Variants in SLC12A8 observed in about 807,000 individuals in gnomAD.
The protein encoded by SLC12A8 is cation-chloride cotransporter 9.
Under a neutral mutation model 75.6 loss-of-function variants are expected in SLC12A8, and 69 were observed. The observed-to-expected ratio is 0.91, with a 90% CI of 0.75 to 1.11. SLC12A8 has a LOEUF of 1.11. Ranked by LOEUF, SLC12A8 falls within the 50% of genes most tolerant of loss-of-function variation. The pLI, the probability that SLC12A8 is intolerant of heterozygous loss-of-function variation, is 0.00. For missense variants in SLC12A8, 877 were observed against 896.7 expected (o/e 0.98, Z 0.28); for synonymous variants, 365 against 372.8 (o/e 0.98, Z 0.24).
In SLC12A8 at chr3:125,083,991, C is replaced by G. The variant is rs373256263; in HGVS notation, c.2044G>C (p.Glu682Gln). 3.3e-5 allele frequency: 54 copies of G among 1,613,416 alleles called. No homozygotes were observed. Among genetic ancestry groups the G allele is most frequent in the Non-Finnish European group, 4.0e-5 (47 of 1,179,842 alleles). ...LAPSLAKVDM[E>Q]MTQLTQENAD... ...TTCTCCTGGGTGAGCTGAGTCATCTCCATGTCAACCTTAGCCAGGGACGGC... is the reference window on the plus strand; with the variant it reads ...TTCTCCTGGGTGAGCTGAGTCATCTGCATGTCAACCTTAGCCAGGGACGGC... The change falls in exon 14 of 14, where the codon GAG (glutamate) becomes CAG (glutamine). Residue 682 changes from glutamate to glutamine, a missense_variant. Glu to Gln is a conservative substitution (Grantham distance 29, BLOSUM62 2). Transcript: ENST00000469902.
At chr3:125,130,476 C>T (rs974440634) in intron 6 of SLC12A8, among the ~76,000 whole-genome samples, 2 of 152,026 alleles carry the variant, frequency 1.3e-5, no homozygotes, top group Non-Finnish European at 2.9e-5. Flanking sequence ...GTTGTAATCC[C>T]AGCTACTCAG....
intron 8 of SLC12A8, among the ~76,000 whole-genome samples, chr3:125,114,298 C>T (rs182234657): frequency 4.6e-5 from 7 of 152,296 alleles, no homozygotes; most frequent in South Asian, 2.1e-4. Context: ...CAGTTACCAG[C>T]GCTGTCCCAT....
chr3:125,191,370 G>C (rs1934905870), intron 2 of SLC12A8, among the ~76,000 whole-genome samples: 1 of 151,842 alleles, frequency 6.6e-6, no homozygotes, highest in Non-Finnish European at 1.5e-5. Context: ...AAAACCAGTA[G>C]TAACTCACAC....
chr3:125,087,783 GT>G (rs568941246), intron 13 of SLC12A8, among the ~76,000 whole-genome samples: 11 of 152,050 alleles, frequency 7.2e-5, no homozygotes, highest in East Asian at 3.9e-4. Flanking sequence ...TCTCAGGAAA[GT>G]TTTTTTTCTC....
intron 5 of SLC12A8, among the ~76,000 whole-genome samples, chr3:125,140,345 C>A (rs936234570): frequency 2.6e-4 from 40 of 152,200 alleles, no homozygotes; most frequent in Admixed American, 2.4e-3. Context: ...GGTTACATAG[C>A]CAGATCTGCC....
chr3:125,157,866 A>C (rs1300222139), intron 5 of SLC12A8, among the ~76,000 whole-genome samples: 1 of 152,188 alleles, frequency 6.6e-6, no homozygotes, highest in Non-Finnish European at 1.5e-5. Context: ...TGGTTAGGGG[A>C]GAGCCTGTGC....
At chr3:125,113,705 C>T (rs1939240290) in intron 8 of SLC12A8, among the ~76,000 whole-genome samples, 1 of 152,192 alleles carries the variant, frequency 6.6e-6, no homozygotes, top group Non-Finnish European at 1.5e-5. Context: ...TCTTTTCTGG[C>T]ATACACCTGT....
chr3:125,093,559 C>T (rs1403061219), intron 10 of SLC12A8, among the ~76,000 whole-genome samples: 1 of 152,214 alleles, frequency 6.6e-6, no homozygotes. Flanking sequence ...GTTATCACTT[C>T]CTCAGGGAAA....
intron 2 of SLC12A8, among the ~76,000 whole-genome samples, chr3:125,208,392 T>G (rs1935266423): frequency 6.6e-6 from 1 of 152,166 alleles, no homozygotes; most frequent in African/African-American, 2.4e-5. Flanking sequence ...TGCCAATGGA[T>G]CCTTCTGCTC....
chr3:125,110,780 C>G (rs1939168498), intron 8 of SLC12A8: 1 of 154,508 alleles, frequency 6.5e-6, no homozygotes, highest in Non-Finnish European at 1.4e-5. Flanking sequence ...TCAGATGATT[C>G]ACTCTGAATC....
At chr3:125,168,371 C>T (rs1484733616) in intron 5 of SLC12A8, among the ~76,000 whole-genome samples, 3 of 152,132 alleles carry the variant, frequency 2.0e-5, no homozygotes, top group Non-Finnish European at 4.4e-5. Context: ...AGGGCTTTCG[C>T]TTTGTCTGCC....
chr3:125,176,300 A>C (rs1366231463), intron 5 of SLC12A8, among the ~76,000 whole-genome samples: 1 of 152,106 alleles, frequency 6.6e-6, no homozygotes, highest in Non-Finnish European at 1.5e-5. Context: ...CAAACTCCTG[A>C]CTTCAGGTGA....
intron 8 of SLC12A8, among the ~76,000 whole-genome samples, chr3:125,118,221 G>A (rs1284395063): frequency 6.6e-6 from 1 of 152,202 alleles, no homozygotes; most frequent in Non-Finnish European, 1.5e-5. Context: ...TCATATTTGT[G>A]AATCCCTCTG....
At chr3:125,098,737 T>C (rs1938784998) in intron 10 of SLC12A8, among the ~76,000 whole-genome samples, 1 of 152,226 alleles carries the variant, frequency 6.6e-6, no homozygotes, top group Non-Finnish European at 1.5e-5. Flanking sequence ...TGTAGCCTTC[T>C]TGCCTAAGCT....
rs1933702959 is a variant in SLC12A8, at chr3:125,143,704, C to T, written c.623-7922G>A. ...CCCTGCCTGGCCATGGGGAGAGCCT[C>T]CACCCTGTGGGAGGACTGGCTGTTG... On this transcript the variant is annotated intron_variant, in intron 5 of 13. Coordinates refer to ENST00000469902, the MANE Select transcript of SLC12A8 (RefSeq NM_024628.6). Among the ~76,000 whole-genome samples, 3 of 152,328 alleles carry T rather than the reference C, an allele frequency of 2.0e-5. No homozygotes were observed. The South Asian group carries it at 6.2e-4, about 32-fold the overall frequency.
intron 5 of SLC12A8, chr3:125,151,283 C>T (rs192353761): frequency 2.0e-5 from 3 of 153,486 alleles, no homozygotes; most frequent in African/African-American, 7.2e-5. Flanking sequence ...GCCTCTTGGC[C>T]CAACTGTTCC....
chr3:125,138,409 A>T (rs1020999120), intron 5 of SLC12A8, among the ~76,000 whole-genome samples: 3 of 152,198 alleles, frequency 2.0e-5, no homozygotes, highest in African/African-American at 7.2e-5. Context: ...TCAATTTTTT[A>T]AAATTTAAAA....
chr3:125,125,532 C>G (rs985531045), intron 6 of SLC12A8, among the ~76,000 whole-genome samples: 3 of 152,098 alleles, frequency 2.0e-5, no homozygotes, highest in African/African-American at 7.2e-5. Flanking sequence ...GCACTTCAGC[C>G]TGGGTGACAG....
intron 10 of SLC12A8, among the ~76,000 whole-genome samples, chr3:125,105,300 G>A (rs772700857): frequency 6.6e-6 from 1 of 152,176 alleles, no homozygotes; most frequent in Non-Finnish European, 1.5e-5. Context: ...CTTGTTTCCT[G>A]GATCTGACAC....
Sources: gnomAD v4.1 joint callset for allele counts (sites outside exome capture counted in the v4.1 genomes callset) on GRCh38, gnomAD v4.1.1 for gene constraint, MANE v1.5 for transcripts, NCBI Gene and HGNC (gene_info 2026-07-23, HGNC 2026-07-21) for gene names.